RALGAPA2: variants seen among roughly 807,000 people sequenced by gnomAD.
RALGAPA2 encodes the protein Ral GTPase activating protein catalytic subunit alpha 2.
RALGAPA2 carries 139 observed loss-of-function variants against 230.4 expected under a neutral mutation model. The observed-to-expected ratio is 0.60, with a 90% confidence interval of 0.53 to 0.69. The LOEUF (loss-of-function observed/expected upper bound fraction) is 0.69, where lower values mean the gene tolerates loss of function less well. RALGAPA2 is among the 30% of genes least tolerant of loss of function. The pLI, the probability that RALGAPA2 is intolerant of heterozygous loss-of-function variation, is 0.00. For missense variants in RALGAPA2, 2,163 were observed against 2,276.0 expected, an observed-to-expected ratio of 0.95 and a Z score of 1.01; for synonymous variants, 847 against 837.8, an observed-to-expected ratio of 1.01 and a Z score of -0.19.
chr20:20,401,961 T>C (rs2059849749), intron 38 of RALGAPA2, among the ~76,000 whole-genome samples: 1 of 152,234 alleles, frequency 6.6e-6, no homozygotes, highest in East Asian at 1.9e-4. Context: ...AAAACAGTCC[T>C]TTCTGCCTTC....
intron 38 of RALGAPA2, among the ~76,000 whole-genome samples, chr20:20,405,178 G>C (rs1164784688): frequency 3.9e-5 from 6 of 152,158 alleles, no homozygotes; most frequent in South Asian, 2.1e-4. Context: ...AAGGCAAATG[G>C]CATGGTCCAT....
chr20:20,480,229 G>A (rs562356292), intron 36 of RALGAPA2, among the ~76,000 whole-genome samples: 2 of 152,262 alleles, frequency 1.3e-5, no homozygotes, highest in East Asian at 3.9e-4. Context: ...AAATGAAATT[G>A]GCTAAAAAAA....
chr20:20,580,699 T>A (rs2064959899), intron 20 of RALGAPA2, among the ~76,000 whole-genome samples: 1 of 152,186 alleles, frequency 6.6e-6, no homozygotes, highest in Admixed American at 6.6e-5. Context: ...TCTTACCACA[T>A]CTGATTAAAA....
At chr20:20,695,880 C>T (rs564501841) in intron 1 of RALGAPA2, among the ~76,000 whole-genome samples, 139 of 152,318 alleles carry the variant, frequency 9.1e-4, no homozygotes, top group Admixed American at 8.2e-3. Flanking sequence ...GCAGTGTTTG[C>T]TGCCTTTGCA....
intron 1 of RALGAPA2, among the ~76,000 whole-genome samples, chr20:20,687,567 C>A (rs1463655376): frequency 6.6e-6 from 1 of 152,176 alleles, no homozygotes; most frequent in Non-Finnish European, 1.5e-5. Context: ...CTGAACCCAA[C>A]CCACCAGTCT....
intron 37 of RALGAPA2, among the ~76,000 whole-genome samples, chr20:20,415,490 C>G (rs973033814): frequency 2.0e-5 from 3 of 152,208 alleles, no homozygotes. Flanking sequence ...CCCTGGATTA[C>G]TCAATTCAGG....
chr20:20,700,765 G>A (rs901822166), intron 1 of RALGAPA2, among the ~76,000 whole-genome samples: 5 of 152,152 alleles, frequency 3.3e-5, no homozygotes, highest in African/African-American at 1.2e-4. Flanking sequence ...CAAGGGATTG[G>A]TCTGATAATG....
Position 20,605,238 on chromosome 20 carries a change from C to G in RALGAPA2, c.1975G>C (p.Glu659Gln), listed in dbSNP as rs377420359. ...AVLARTVYGVEMTNLPLDKLS... is the reference protein window; with the variant it reads ...AVLARTVYGVQMTNLPLDKLS... The stretch of plus-strand genomic sequence containing the variant: ...TTATCCAGAGGTAGGTTTGTCATCT[C>G]AACTCCATAAACGGTTCTTGCAAGC... Residue 659 changes from glutamate to glutamine, a missense_variant, in exon 15 of 40, where the codon GAG becomes CAG. Transcript: ENST00000202677. The G allele has an allele frequency of 1.2e-5, 20 of 1,613,796 alleles. No homozygotes were observed. Among genetic ancestry groups the G allele is most frequent in the Non-Finnish European group, 1.6e-5 (19 of 1,179,854 alleles).
chr20:20,406,209 C>T (rs945125314), intron 38 of RALGAPA2, among the ~76,000 whole-genome samples: 3 of 152,040 alleles, frequency 2.0e-5, no homozygotes, highest in Admixed American at 6.5e-5. Context: ...GGTCACACCC[C>T]AGACCAATAA....
intron 5 of RALGAPA2, among the ~76,000 whole-genome samples, chr20:20,641,617 CATGTCCCTCCATTTCTGT>C (rs2067033471): frequency 6.6e-6 from 1 of 151,732 alleles, no homozygotes; most frequent in Non-Finnish European, 1.5e-5. Context: ...TTCAAAAGCA[CATGTCCCTCCATTTCTGT>C]ATTCCTAAAT....
intron 24 of RALGAPA2, among the ~76,000 whole-genome samples, chr20:20,544,266 A>T (rs909302716): frequency 1.3e-5 from 2 of 151,892 alleles, no homozygotes; most frequent in East Asian, 3.9e-4. Context: ...CTAAAAACAT[A>T]AAAAAAATAG....
At chr20:20,421,267 G>A (rs375600083) in intron 37 of RALGAPA2, among the ~76,000 whole-genome samples, 29 of 152,276 alleles carry the variant, frequency 1.9e-4, no homozygotes, top group African/African-American at 5.8e-4. Flanking sequence ...ACGACCTCAC[G>A]TCTACTAGGA....
intron 23 of RALGAPA2, among the ~76,000 whole-genome samples, chr20:20,566,915 G>C (rs12624436): frequency 0.16 from 24,268 of 152,164 alleles, 2,262 homozygotes; most frequent in East Asian, 0.24. Context: ...GCATTGGAGA[G>C]AGGCCTCATG....
At chr20:20,444,583 T>C (rs1381153201) in intron 37 of RALGAPA2, among the ~76,000 whole-genome samples, 1 of 152,072 alleles carries the variant, frequency 6.6e-6, no homozygotes, top group African/African-American at 2.4e-5. Context: ...TTCCAGACAC[T>C]CTCCCCCTTA....
chr20:20,504,567 C>CA (rs201806713), intron 34 of RALGAPA2, among the ~76,000 whole-genome samples: 21 of 150,842 alleles, frequency 1.4e-4, no homozygotes, highest in Admixed American at 7.9e-4. Flanking sequence ...ACTAAAAATA[C>CA]AAAAAAAAAT....
intron 28 of RALGAPA2, among the ~76,000 whole-genome samples, chr20:20,525,487 G>A (rs557803554): frequency 6.6e-6 from 1 of 152,316 alleles, no homozygotes; most frequent in African/African-American, 2.4e-5. Context: ...GTTCTTTCCA[G>A]TGAAATCTGT....
chr20:20,606,046 A>G (rs991563737), intron 14 of RALGAPA2, among the ~76,000 whole-genome samples: 18 of 151,290 alleles, frequency 1.2e-4, no homozygotes, highest in African/African-American at 4.4e-4. Context: ...AGCCAACCCC[A>G]CTTCCCCAGC....
intron 37 of RALGAPA2, among the ~76,000 whole-genome samples, chr20:20,427,324 C>T (rs1275877884): frequency 1.3e-5 from 2 of 152,088 alleles, no homozygotes; most frequent in Non-Finnish European, 2.9e-5. Context: ...TCTTACAAGC[C>T]AGTGAGAGAA....
At chr20:20,525,021 G>A in intron 28 of RALGAPA2, 123 bp from the exon 29 acceptor site, 1 of 791,282 alleles carries the variant, frequency 1.3e-6, no homozygotes, top group East Asian at 2.8e-5. Context: ...CCACAGAAAG[G>A]TGATAAAAAG....
Sources: allele counts gnomAD v4.1 joint callset (sites outside exome capture counted in the v4.1 genomes callset), GRCh38; gene constraint gnomAD v4.1.1; transcripts MANE v1.5; gene names NCBI Gene and HGNC (gene_info 2026-07-23, HGNC 2026-07-21).